NME7: variants seen among roughly 807,000 people sequenced by gnomAD.
NME7 encodes the protein NME/NM23 family member 7, also known as nucleoside diphosphate kinase 7.
Under a neutral mutation model 49.1 loss-of-function variants are expected in NME7, and 41 were observed. The ratio of observed to expected loss-of-function variants is 0.83; its 90% CI spans 0.65 to 1.08. NME7 has a LOEUF of 1.08. NME7 is among the 50% of genes least tolerant of loss of function. The pLI is 0.00. For missense variants in NME7, 423 were observed against 463.4 expected (o/e 0.91, Z 0.80); for synonymous variants, 139 against 150.6 (o/e 0.92, Z 0.56).
intron 6 of NME7, among the ~76,000 whole-genome samples, chr1:169,297,986 AC>A (rs1375858724): frequency 6.6e-6 from 1 of 152,218 alleles, no homozygotes; most frequent in Admixed American, 6.5e-5. Flanking sequence ...TGCAAACACA[AC>A]CAGATTAAAA....
chr1:169,237,792 T>C, intron 7 of NME7, 105 bp from the exon 8 acceptor site: 1 of 740,192 alleles, frequency 1.4e-6, no homozygotes, highest in South Asian at 1.8e-5. Flanking sequence ...TTATACTCTA[T>C]ATTTAAAAAA....
intron 7 of NME7, chr1:169,285,633 C>T (rs1177481296): frequency 2.6e-5 from 4 of 152,122 alleles, no homozygotes; most frequent in African/African-American, 9.7e-5. Flanking sequence ...CTCATGGAAC[C>T]TTAGCTTGCC....
At chr1:169,355,332 T>TGTATATTATATATAATATAC (rs1653423988) in intron 1 of NME7, among the ~76,000 whole-genome samples, 2 of 77,888 alleles carry the variant, frequency 2.6e-5, no homozygotes, top group Admixed American at 2.0e-4. Flanking sequence ...ATATAATATA[T>TGTATATTATATATAATATAC]TGTATATTAT....
intron 1 of NME7, among the ~76,000 whole-genome samples, chr1:169,337,244 G>C (rs769002248): frequency 2.6e-5 from 4 of 152,224 alleles, no homozygotes; most frequent in African/African-American, 7.2e-5. Context: ...TAAGGCACGC[G>C]GTGAGAAATC....
chr1:169,350,415 ATTCTC>A (rs1317182779), intron 1 of NME7, among the ~76,000 whole-genome samples: 1 of 152,056 alleles, frequency 6.6e-6, no homozygotes, highest in Non-Finnish European at 1.5e-5. Flanking sequence ...AGATGGATCC[ATTCTC>A]CACCAGCACT....
intron 1 of NME7, among the ~76,000 whole-genome samples, chr1:169,329,301 C>T (rs1004772962): frequency 4.1e-5 from 6 of 146,364 alleles, no homozygotes; most frequent in African/African-American, 1.5e-4. Flanking sequence ...TGAAAAAGTT[C>T]AAAACACTTT....
chr1:169,205,435 G>A (rs1660646898), intron 10 of NME7, among the ~76,000 whole-genome samples: 1 of 151,996 alleles, frequency 6.6e-6, no homozygotes, highest in Admixed American at 6.6e-5. Flanking sequence ...ATAGTTGTGT[G>A]GTACCCTCAC....
intron 10 of NME7, among the ~76,000 whole-genome samples, chr1:169,179,676 G>A (rs972570274): frequency 2.0e-5 from 3 of 152,170 alleles, no homozygotes. Flanking sequence ...GGAGCTGGAG[G>A]CCATTATCCT....
At chr1:169,214,448 T>C (rs752345585) in intron 10 of NME7, among the ~76,000 whole-genome samples, 1 of 152,224 alleles carries the variant, frequency 6.6e-6, no homozygotes, top group Non-Finnish European at 1.5e-5. Context: ...TTTGAATTTT[T>C]GCCATTTCAA....
At chr1:169,231,807 C>T (rs1172708851) in intron 9 of NME7, among the ~76,000 whole-genome samples, 2 of 152,116 alleles carry the variant, frequency 1.3e-5, no homozygotes, top group African/African-American at 2.4e-5. Flanking sequence ...GCTCTATACC[C>T]ATCCTACAAA....
At chr1:169,318,013 G>C (rs953803003) in intron 3 of NME7, among the ~76,000 whole-genome samples, 1 of 152,128 alleles carries the variant, frequency 6.6e-6, no homozygotes, top group Non-Finnish European at 1.5e-5. Flanking sequence ...CACATGTTAA[G>C]CACATTGGAA....
In NME7 at chr1:169,336,316, C is replaced by G. The variant is rs111284676; in HGVS notation, c.4-11816G>C. 6.7e-4 allele frequency among the ~76,000 whole-genome samples: 102 copies of G among 151,980 alleles called. 1 individual carries two copies. In the South Asian group the frequency reaches 8.1e-3, roughly 12 times the overall value. On this transcript the variant is annotated intron_variant, in intron 1 of 11. Transcript: ENST00000367811. Reference sequence around the variant, plus strand: ...TATTGCAAAGAGCGAAAGAACAAAGCTTCCACAGTGTGGAAGGGGACCTTC... The same window carrying G: ...TATTGCAAAGAGCGAAAGAACAAAGGTTCCACAGTGTGGAAGGGGACCTTC...
intron 6 of NME7, among the ~76,000 whole-genome samples, chr1:169,290,601 T>C (rs1440054429): frequency 1.3e-5 from 2 of 152,164 alleles, no homozygotes; most frequent in Admixed American, 1.3e-4. Context: ...GATATAGGCA[T>C]AGGCAAAGAC....
At chr1:169,292,668 T>C (rs1321700124) in intron 6 of NME7, among the ~76,000 whole-genome samples, 2 of 152,064 alleles carry the variant, frequency 1.3e-5, no homozygotes, top group African/African-American at 4.8e-5. Context: ...TTGAACTTGA[T>C]TCTGGGAATA....
At chr1:169,328,904 G>C (rs968894022) in intron 1 of NME7, among the ~76,000 whole-genome samples, 7 of 152,134 alleles carry the variant, frequency 4.6e-5, no homozygotes, top group African/African-American at 1.4e-4. Flanking sequence ...TACATGTAAA[G>C]CCTTCCTAAG....
At chr1:169,203,067 C>T (rs1200515909) in intron 10 of NME7, among the ~76,000 whole-genome samples, 1 of 152,128 alleles carries the variant, frequency 6.6e-6, no homozygotes, top group Non-Finnish European at 1.5e-5. Context: ...TTGCCTAAGA[C>T]ATGCCCACAG....
At chr1:169,153,701 CTT>C (rs766499926) in intron 11 of NME7, among the ~76,000 whole-genome samples, 20 of 151,590 alleles carry the variant, frequency 1.3e-4, no homozygotes, top group Non-Finnish European at 2.5e-4. Context: ...AAACCCTCTA[CTT>C]TTCTTTTTCT....
chr1:169,325,432 G>A (rs945597846), intron 1 of NME7, among the ~76,000 whole-genome samples: 1 of 152,058 alleles, frequency 6.6e-6, no homozygotes, highest in Non-Finnish European at 1.5e-5. Context: ...CCTGTAGTTG[G>A]AGGTCTGTGA....
intron 7 of NME7, among the ~76,000 whole-genome samples, chr1:169,259,433 T>C (rs1437102384): frequency 7.4e-6 from 1 of 134,444 alleles, no homozygotes; most frequent in Non-Finnish European, 1.8e-5. Context: ...TTCATTACTA[T>C]GAAATTCATT....
Sources: allele counts gnomAD v4.1 joint callset (sites outside exome capture counted in the v4.1 genomes callset), GRCh38; gene constraint gnomAD v4.1.1; transcripts MANE v1.5; gene names NCBI Gene and HGNC (gene_info 2026-07-23, HGNC 2026-07-21).